Variants in DST observed in about 807,000 individuals in gnomAD.
The protein encoded by DST is bullous pemphigoid antigen.
Under a neutral mutation model 875.2 loss-of-function variants are expected in DST, and 253 were observed. The ratio of observed to expected loss-of-function variants is 0.29; its 90% CI spans 0.26 to 0.32. The LOEUF (loss-of-function observed/expected upper bound fraction) is 0.32. Ranked by LOEUF, DST falls within the 10% of genes least tolerant of loss-of-function variation. DST has a pLI of 1.00. For missense variants in DST, 8,287 were observed against 9,111.6 expected (o/e 0.91, Z 3.68); for synonymous variants, 3,124 against 3,197.1 (o/e 0.98, Z 0.77).
At chr6:56,908,153 T>C (rs1393894793) in intron 2 of DST, among the ~76,000 whole-genome samples, 1 of 151,368 alleles carries the variant, frequency 6.6e-6, no homozygotes, top group Non-Finnish European at 1.5e-5. Flanking sequence ...AATGTTACTT[T>C]TGTGTTATAC....
At chr6:56,500,166 T>A (rs2096072910) in intron 80 of DST, among the ~76,000 whole-genome samples, 1 of 152,136 alleles carries the variant, frequency 6.6e-6, no homozygotes, top group South Asian at 2.1e-4. Flanking sequence ...AAAATGTGAA[T>A]CAATATGTAA....
chr6:56,671,306 G>C (rs942228621), intron 9 of DST, among the ~76,000 whole-genome samples: 2 of 152,142 alleles, frequency 1.3e-5, no homozygotes, highest in East Asian at 3.9e-4. Context: ...AGTTCAAGTA[G>C]ATCAGAGGTA....
chr6:56,711,116 G>A (rs1247916513), intron 5 of DST, among the ~76,000 whole-genome samples: 1 of 151,810 alleles, frequency 6.6e-6, no homozygotes, highest in Admixed American at 6.6e-5. Context: ...TTAGCTTTTG[G>A]GTAGACAATC....
chr6:56,872,034 T>C (rs1257120357), intron 3 of DST, among the ~76,000 whole-genome samples: 1 of 152,204 alleles, frequency 6.6e-6, no homozygotes, highest in Non-Finnish European at 1.5e-5. Flanking sequence ...TTCATGTATG[T>C]CCAGCGATTC....
intron 5 of DST, among the ~76,000 whole-genome samples, chr6:56,723,647 A>C (rs1479362810): frequency 6.6e-6 from 1 of 152,184 alleles, no homozygotes; most frequent in African/African-American, 2.4e-5. Context: ...CAGATCTGTA[A>C]CTCAAATTAA....
At chr6:56,644,021 A>G (rs2098928187) in intron 15 of DST, among the ~76,000 whole-genome samples, 1 of 152,236 alleles carries the variant, frequency 6.6e-6, no homozygotes, top group Non-Finnish European at 1.5e-5. Context: ...GAACTTGTCT[A>G]ACATCATACA....
At position 56,618,179 on chromosome 6, in the gene DST, T is replaced by C. The variant is rs150351052; in HGVS notation, c.4930-3695A>G. ...AGAAAAGTACTCAGAGTAACACTGC[T>C]GGCTTTTCTCTTTCTCGAGTGGAGC... On this transcript the variant is annotated intron_variant, in intron 36 of 103. Coordinates refer to ENST00000680361, the MANE Select transcript of DST (RefSeq NM_001374736.1). 2.5e-6 allele frequency: 4 copies of C among 1,614,102 alleles called. No homozygotes were observed. The highest frequency in any genetic ancestry group is 3.4e-6 in the Non-Finnish European group (4 of 1,180,044).
chr6:56,830,975 C>T (rs1370356588), intron 4 of DST, among the ~76,000 whole-genome samples: 2 of 152,184 alleles, frequency 1.3e-5, no homozygotes, highest in African/African-American at 4.8e-5. Flanking sequence ...CCCAGTCCAC[C>T]ACCTAGTCAA....
chr6:56,508,017 TTTG>T (rs530992065), intron 75 of DST, among the ~76,000 whole-genome samples: 57 of 152,030 alleles, frequency 3.7e-4, no homozygotes, highest in Non-Finnish European at 6.3e-4. Flanking sequence ...AGAGAAATTT[TTTG>T]TTGTTGTTGT....
In DST at chr6:56,618,654, T is replaced by G. The variant is rs748545347; in HGVS notation, c.4930-4170A>C. 40 of 1,614,056 alleles carry G rather than the reference T, an allele frequency of 2.5e-5. No homozygotes were observed. Among genetic ancestry groups the G allele is most frequent in the South Asian group, 1.6e-4 (15 of 91,072 alleles). On this transcript the variant is annotated intron_variant, in intron 36 of 103. Transcript: ENST00000680361. ...TCTTTAATGTTTGTTTCACAAAGCT[T>G]AGCATTTTCTTGGGCTCTAGAGTTT...
chr6:56,808,925 G>A (rs2099756579), intron 4 of DST, among the ~76,000 whole-genome samples: 2 of 152,172 alleles, frequency 1.3e-5, no homozygotes, highest in Non-Finnish European at 2.9e-5. Context: ...TGAGTCTGGT[G>A]TAAGTCTGGT....
Position 56,603,217 on chromosome 6 carries a change from G to A in DST, c.11145C>T (p.Ile3715=), listed in dbSNP as rs760106933. The A allele has an allele frequency of 1.2e-5, 19 of 1,600,352 alleles. No individual in the cohort carries two copies. Among genetic ancestry groups the A allele is most frequent in the South Asian group, 4.5e-5 (4 of 89,274 alleles). The part of the protein sequence containing the change: ...SERTKQIMLA[I]DSEMSKLAVS... ...ATTTTATGCCTACCATTTCAGAGTC[G>A]ATCGCAAGCATGATCTGTTTCGTTC... The change falls in exon 42 of 104, where the codon ATC becomes ATT. Residue 3715 remains isoleucine, a synonymous_variant. Transcript: ENST00000680361.
Position 56,489,626 on chromosome 6 carries a change from A to T in DST, c.20758-17T>A. ...TTCATGGAACTAGAAAGAAATTCAC[A>T]CCTTTGTCTGAAAATTTTTCAAGCA... On this transcript the variant is annotated splice_polypyrimidine_tract_variant and intron_variant, in intron 85 of 103. Transcript: ENST00000680361. 6.2e-7 allele frequency: 1 copy of T among 1,602,164 alleles called. No homozygotes were observed. Among genetic ancestry groups the T allele is most frequent in the Non-Finnish European group, 8.5e-7 (1 of 1,175,152 alleles).
intron 3 of DST, among the ~76,000 whole-genome samples, chr6:56,888,748 T>C (rs1785857776): frequency 6.6e-6 from 1 of 152,228 alleles, no homozygotes; most frequent in East Asian, 1.9e-4. Context: ...ATTAAAGCTA[T>C]ATAATGTTCC....
At chr6:56,659,503 T>C (rs1259774509) in intron 10 of DST, among the ~76,000 whole-genome samples, 2 of 152,082 alleles carry the variant, frequency 1.3e-5, no homozygotes, top group South Asian at 2.1e-4. Flanking sequence ...AATACTAAAA[T>C]GTAAGGAAGA....
chr6:56,566,081 T>C (rs6920543), intron 55 of DST, among the ~76,000 whole-genome samples: 1 of 151,958 alleles, frequency 6.6e-6, no homozygotes, highest in Non-Finnish European at 1.5e-5. Context: ...GACTGCAGAC[T>C]GCTGTGCTGG....
In DST at chr6:56,607,347, A is replaced by G. The variant is rs2098507489; in HGVS notation, c.7281T>C (p.Pro2427=). The change falls in exon 40 of 104, where the codon CCT becomes CCC. Residue 2427 remains proline, a synonymous_variant. Coordinates refer to ENST00000680361, the MANE Select transcript of DST (RefSeq NM_001374736.1). ...ENEDNTNRDS[P]IFDYSPRLSA... ...TTAGCCTGGGGGAATAGTCAAAGAT[A>G]GGTGAATCCCTGTTTGTATTATCTT... 1 of 1,613,144 alleles carries G rather than the reference A, an allele frequency of 6.2e-7. No homozygotes were observed. Among genetic ancestry groups the G allele is most frequent in the Admixed American group, 1.7e-5 (1 of 59,890 alleles).
intron 10 of DST, among the ~76,000 whole-genome samples, chr6:56,652,042 AAATG>A (rs1373876629): frequency 1.3e-5 from 2 of 152,216 alleles, no homozygotes; most frequent in Admixed American, 6.5e-5. Context: ...TCTGAATCAT[AAATG>A]AATGTCTATA....
chr6:56,793,068 CAAAAAAAAAAAAAAAAAAAAA>C (rs61457774), intron 4 of DST, among the ~76,000 whole-genome samples: 1 of 42,316 alleles, frequency 2.4e-5, no homozygotes, highest in African/African-American at 6.3e-5. Flanking sequence ...GACCCTGTCT[CAAAAAAAAAAAAAAAAAAAAA>C]AAAAAAAAAA....
Sources: allele counts gnomAD v4.1 joint callset (sites outside exome capture counted in the v4.1 genomes callset), GRCh38; gene constraint gnomAD v4.1.1; transcripts MANE v1.5; gene names NCBI Gene and HGNC (gene_info 2026-07-23, HGNC 2026-07-21).